The following ADD1 variants were observed in gnomAD, a reference collection of about 807,000 sequenced individuals.
ADD1 encodes adducin 1.
A neutral mutation model predicts 80.5 loss-of-function variants in ADD1; 24 were observed. That is an observed-to-expected ratio of 0.30 (90% confidence interval 0.22 to 0.42). The LOEUF (loss-of-function observed/expected upper bound fraction) is 0.42, where lower values mean the gene tolerates loss of function less well. ADD1 is among the 10% of genes least tolerant of loss of function. The pLI, the probability that ADD1 is intolerant of heterozygous loss-of-function variation, is 1.00. For synonymous variants in ADD1, 373 were observed against 393.8 expected, an observed-to-expected ratio of 0.95 and a Z score of 0.63; for missense variants, 948 against 1,019.0, an observed-to-expected ratio of 0.93 and a Z score of 0.95.
intron 14 of ADD1, among the ~76,000 whole-genome samples, chr4:2,915,805 C>G (rs960715976): frequency 1.1e-4 from 16 of 152,066 alleles, no homozygotes; most frequent in African/African-American, 2.9e-4. Flanking sequence ...GCCTGGGCAT[C>G]TCAAAAAAAA....
intron 1 of ADD1, 180 bp downstream of exon 1, chr4:2,844,204 G>C (rs995323944): frequency 6.6e-6 from 1 of 152,292 alleles, no homozygotes; most frequent in South Asian, 1.8e-4. Context: ...TCCCCGCGGG[G>C]CCTTCGGCCT....
intron 1 of ADD1, among the ~76,000 whole-genome samples, chr4:2,846,021 C>T (rs1726147184): frequency 6.6e-6 from 1 of 152,112 alleles, no homozygotes; most frequent in African/African-American, 2.4e-5. Flanking sequence ...ATCCTTTAAC[C>T]GTTAAATAGT....
chr4:2,929,328 C>T lies in ADD1; in HGVS notation c.*805C>T, dbSNP rs1277787118. ...TAGGCTGCTTTTTGCTTTCTTCTTT[C>T]CAGACCCCACAGTAGAGCACTTTTC... is the stretch of plus-strand genomic sequence containing the variant. On this transcript the variant is annotated 3_prime_UTR_variant, in exon 16 of 16. Transcript: ENST00000683351. The T allele has an allele frequency of 1.3e-5, 2 of 152,292 alleles. No homozygotes were observed. The highest frequency in any genetic ancestry group is 1.3e-4 in the Admixed American group (2 of 15,286). 9.4% of individuals were successfully genotyped at this position (152,292 alleles called of 1,614,324 possible).
chr4:2,897,615 T>G (rs1226725310), intron 6 of ADD1, among the ~76,000 whole-genome samples: 1 of 149,124 alleles, frequency 6.7e-6, no homozygotes, highest in African/African-American at 2.5e-5. Flanking sequence ...AATTCCTGGG[T>G]TCAGGATTCC....
At chr4:2,903,253 G>A (rs915287685) in intron 9 of ADD1, among the ~76,000 whole-genome samples, 2 of 152,144 alleles carry the variant, frequency 1.3e-5, no homozygotes, top group East Asian at 1.9e-4. Context: ...TATTGTGAAG[G>A]TGCTGTGAGT....
chr4:2,865,317 T>G (rs537966639), intron 1 of ADD1, among the ~76,000 whole-genome samples: 1 of 152,246 alleles, frequency 6.6e-6, no homozygotes, highest in African/African-American at 2.4e-5. Flanking sequence ...AACATACCTT[T>G]GGCAAGTCTT....
At chr4:2,853,009 A>C (rs1727548076) in intron 1 of ADD1, 1 of 152,180 alleles carries the variant, frequency 6.6e-6, no homozygotes, top group South Asian at 2.1e-4. Context: ...TTTTAAGGAT[A>C]CAAATTACAT....
chr4:2,875,956 C>A lies in ADD1; in HGVS notation c.41C>A (p.Pro14His), dbSNP rs1731216234. The change falls in exon 2 of 16, where the codon CCC becomes CAC. Residue 14 changes from proline to histidine, a missense_variant. Coordinates refer to ENST00000683351, the MANE Select transcript of ADD1 (RefSeq NM_001354761.2). ...CGTGCTGCGGTGGTGACCTCACCAC[C>A]CCCGACCACAGCCCCTCACAAGGAG... ...DSRAAVVTSP[P>H]PTTAPHKERY... The A allele has an allele frequency of 1.2e-6, 2 of 1,613,124 alleles. No homozygotes were observed. The highest frequency in any genetic ancestry group is 1.3e-5 in the African/African-American group (1 of 74,984).
At chr4:2,892,435 G>A (rs943312163) in intron 4 of ADD1, among the ~76,000 whole-genome samples, 2 of 152,128 alleles carry the variant, frequency 1.3e-5, no homozygotes, top group African/African-American at 4.8e-5. Flanking sequence ...GATGCATAGT[G>A]TAAACCAAAT....
chr4:2,928,833 C>G lies in ADD1; in HGVS notation c.*310C>G, dbSNP rs4965. ...GAAGGCTTCTGCAGCTTTGGCTGCA[C>G]GTCACCCTCCTGAGCCTCACCTTTC... On this transcript the variant is annotated 3_prime_UTR_variant, in exon 16 of 16. Coordinates refer to ENST00000683351, the MANE Select transcript of ADD1 (RefSeq NM_001354761.2). 2.5e-4 allele frequency: 83 copies of G among 330,248 alleles called. No homozygotes were observed. The highest frequency in any genetic ancestry group is 1.6e-3 in the African/African-American group (74 of 45,762). The allele number at this position is 330,248 out of a possible 1,614,324, so 20.5% of individuals were successfully genotyped here.
intron 12 of ADD1, chr4:2,909,027 T>C (rs1737547970): frequency 2.1e-6 from 1 of 472,180 alleles, no homozygotes; most frequent in Non-Finnish European, 3.9e-6. Flanking sequence ...GGTGCACATT[T>C]ACACACATTT....
At position 2,921,407 on chromosome 4, in the gene ADD1, C is replaced by T. The variant is rs1024903137; in HGVS notation, c.1949-4607C>T. On this transcript the variant is annotated intron_variant, in intron 14 of 15. Transcript: ENST00000683351. ...CCTCCCAAAGTGCTGGGATTACAGG[C>T]GTGAGCCACTGCACCCGGCCGAAAA... 3.3e-5 allele frequency among the ~76,000 whole-genome samples: 5 copies of T among 152,184 alleles called. No individual in the cohort carries two copies. The East Asian group carries it at 9.6e-4, about 29-fold the overall frequency.
intron 14 of ADD1, among the ~76,000 whole-genome samples, chr4:2,922,304 C>T (rs1740187261): frequency 6.6e-6 from 1 of 152,110 alleles, no homozygotes; most frequent in African/African-American, 2.4e-5. Flanking sequence ...TGTTGGTGAC[C>T]TTCAGATGGC....
At chr4:2,915,152 C>G in intron 14 of ADD1, 112 bp downstream of exon 14, 1 of 1,189,208 alleles carries the variant, frequency 8.4e-7, no homozygotes, top group South Asian at 1.6e-5. Context: ...TCACATGCAT[C>G]AAAGACAAAC....
intron 1 of ADD1, among the ~76,000 whole-genome samples, chr4:2,850,449 G>A (rs898952792): frequency 1.4e-5 from 2 of 139,010 alleles, no homozygotes; most frequent in Non-Finnish European, 3.1e-5. Context: ...TTTCTGAGAC[G>A]GTGTCTTGCT....
At position 2,917,296 on chromosome 4, in the gene ADD1, CT is replaced by C. The variant is rs921919473; in HGVS notation, c.1948+2264del. ...TTCTCTAATGACCAGTGATGATGAGCTTTTTTTTCATGTTTGTTGGCTACAT... is the reference window on the plus strand; with the variant it reads ...TTCTCTAATGACCAGTGATGATGAGCTTTTTTTCATGTTTGTTGGCTACAT... On this transcript the variant is annotated intron_variant, in intron 14 of 15. Transcript: ENST00000683351. 9.0e-4 allele frequency among the ~76,000 whole-genome samples: 136 copies of C among 151,614 alleles called. 2 individuals are homozygous for C. The highest frequency in any genetic ancestry group is 2.8e-3 in the Admixed American group (42 of 15,088).
At chr4:2,869,077 T>G (rs772396497) in intron 1 of ADD1, among the ~76,000 whole-genome samples, 1 of 152,118 alleles carries the variant, frequency 6.6e-6, no homozygotes, top group Non-Finnish European at 1.5e-5. Flanking sequence ...ACTGCTGCCT[T>G]CCCCAAGCCA....
chr4:2,850,762 G>T (rs1390252336), intron 1 of ADD1, among the ~76,000 whole-genome samples: 1 of 151,988 alleles, frequency 6.6e-6, no homozygotes, highest in Non-Finnish European at 1.5e-5. Flanking sequence ...TAGAGATGGG[G>T]TTTCACCACG....
intron 9 of ADD1, among the ~76,000 whole-genome samples, chr4:2,903,591 G>A (rs1390018051): frequency 6.6e-6 from 1 of 152,210 alleles, no homozygotes; most frequent in South Asian, 2.1e-4. Context: ...CTTCTTCAGA[G>A]CCAGCAGTAG....
Sources: gnomAD v4.1 joint callset for allele counts (sites outside exome capture counted in the v4.1 genomes callset) on GRCh38, gnomAD v4.1.1 for gene constraint, MANE v1.5 for transcripts, NCBI Gene and HGNC (gene_info 2026-07-23, HGNC 2026-07-21) for gene names.